MIPEP: variants seen among roughly 807,000 people sequenced by gnomAD.
MIPEP encodes mitochondrial intermediate peptidase.
MIPEP carries 79 observed loss-of-function variants against 90.3 expected under a neutral mutation model. The observed-to-expected ratio is 0.87, with a 90% confidence interval of 0.73 to 1.05. The LOEUF (loss-of-function observed/expected upper bound fraction) is 1.05, where lower values mean the gene tolerates loss of function less well. MIPEP is among the 50% of genes least tolerant of loss of function. The pLI is 0.00. For missense variants in MIPEP, 940 were observed against 905.6 expected, an observed-to-expected ratio of 1.04 and a Z score of -0.49; for synonymous variants, 334 against 315.8, an observed-to-expected ratio of 1.06 and a Z score of -0.61.
chr13:23,789,015 C>T (rs921502345), intron 16 of MIPEP, among the ~76,000 whole-genome samples: 9 of 152,114 alleles, frequency 5.9e-5, no homozygotes, highest in African/African-American at 2.2e-4. Context: ...GTCATGTTGC[C>T]CAGGCTGGTC....
intron 18 of MIPEP, among the ~76,000 whole-genome samples, chr13:23,753,237 A>AT (rs1460772792): frequency 8.5e-4 from 128 of 151,242 alleles, no homozygotes; most frequent in African/African-American, 2.1e-3. Context: ...AAAAAAAAAA[A>AT]AAATAATAAT....
chr13:23,807,390 AG>A (rs1347139771), intron 15 of MIPEP, among the ~76,000 whole-genome samples: 1 of 152,238 alleles, frequency 6.6e-6, no homozygotes. Context: ...TTTGTGATTC[AG>A]AAATGGGATT....
chr13:23,806,305 C>T (rs1953106460), intron 15 of MIPEP, among the ~76,000 whole-genome samples: 1 of 152,164 alleles, frequency 6.6e-6, no homozygotes. Context: ...GAATTTTGAA[C>T]CATACCCATA....
chr13:23,810,355 C>T (rs1953158283), intron 14 of MIPEP, among the ~76,000 whole-genome samples: 1 of 152,144 alleles, frequency 6.6e-6, no homozygotes. Flanking sequence ...ACAGTGTCCG[C>T]CAGTGTTAAA....
intron 7 of MIPEP, among the ~76,000 whole-genome samples, chr13:23,868,372 G>T (rs898316933): frequency 6.6e-6 from 1 of 152,132 alleles, no homozygotes. Flanking sequence ...AGTTGTTTAC[G>T]AAAGAGTAAG....
chr13:23,880,777 C>T (rs920256276), intron 3 of MIPEP, among the ~76,000 whole-genome samples: 4 of 152,202 alleles, frequency 2.6e-5, no homozygotes, highest in African/African-American at 7.2e-5. Context: ...CAAATGTTGG[C>T]GACCTGGGGA....
intron 18 of MIPEP, among the ~76,000 whole-genome samples, chr13:23,756,070 C>A (rs932774906): frequency 6.6e-6 from 1 of 152,168 alleles, no homozygotes; most frequent in Admixed American, 6.5e-5. Flanking sequence ...TAAATCATGG[C>A]AACTAAAAAT....
chr13:23,841,019 A>AG (rs1428035515), intron 11 of MIPEP, among the ~76,000 whole-genome samples: 1 of 152,218 alleles, frequency 6.6e-6, no homozygotes. Flanking sequence ...ACGGACACAC[A>AG]GCTATGAAGG....
chr13:23,860,516 A>C (rs912110176), intron 9 of MIPEP, among the ~76,000 whole-genome samples: 1 of 152,230 alleles, frequency 6.6e-6, no homozygotes, highest in African/African-American at 2.4e-5. Flanking sequence ...ATGAAGCTAG[A>C]GAAGGAGGCA....
intron 4 of MIPEP, 93 bp downstream of exon 4, chr13:23,879,175 C>G (rs1871183654): frequency 1.3e-6 from 1 of 741,072 alleles, no homozygotes; most frequent in Non-Finnish European, 2.4e-6. Context: ...TTCCAGACAA[C>G]AGAGGCTGCA....
intron 9 of MIPEP, 56 bp downstream of exon 9, chr13:23,862,246 T>G (rs1177318858): frequency 9.5e-7 from 1 of 1,055,238 alleles, no homozygotes; most frequent in Non-Finnish European, 1.4e-6. Flanking sequence ...TCAAAAGATA[T>G]TGATTTCAGT....
intron 10 of MIPEP, among the ~76,000 whole-genome samples, chr13:23,843,858 A>T (rs1486471005): frequency 6.6e-6 from 1 of 152,234 alleles, no homozygotes; most frequent in African/African-American, 2.4e-5. Flanking sequence ...AAGACAGAAC[A>T]ATCTAGAATA....
chr13:23,781,689 T>A (rs1294492398), intron 16 of MIPEP, among the ~76,000 whole-genome samples: 2 of 152,184 alleles, frequency 1.3e-5, no homozygotes, highest in Non-Finnish European at 2.9e-5. Flanking sequence ...GACCCATCAG[T>A]GTGCTGTATT....
At chr13:23,832,972 ATTCT>A (rs1276640403) in intron 14 of MIPEP, among the ~76,000 whole-genome samples, 2 of 152,208 alleles carry the variant, frequency 1.3e-5, no homozygotes, top group African/African-American at 2.4e-5. Context: ...ACCACAAGGA[ATTCT>A]TTGACTATGC....
chr13:23,766,102 T>C (rs185657791), intron 16 of MIPEP: 1 of 152,322 alleles, frequency 6.6e-6, no homozygotes, highest in East Asian at 1.9e-4. Context: ...CATATCTGTT[T>C]TGCAGATAAG....
At chr13:23,829,115 C>G (rs1365849765) in intron 14 of MIPEP, among the ~76,000 whole-genome samples, 2 of 152,196 alleles carry the variant, frequency 1.3e-5, no homozygotes, top group Non-Finnish European at 2.9e-5. Flanking sequence ...GTTTGTTACT[C>G]ACACGGAAGA....
chr13:23,852,543 G>C (rs1049354270), intron 10 of MIPEP, among the ~76,000 whole-genome samples: 8 of 152,172 alleles, frequency 5.3e-5, no homozygotes, highest in African/African-American at 1.7e-4. Flanking sequence ...TGTCATGTCA[G>C]AGTACAAGGC....
intron 14 of MIPEP, among the ~76,000 whole-genome samples, chr13:23,813,525 C>T (rs1953198728): frequency 6.6e-6 from 1 of 152,142 alleles, no homozygotes; most frequent in South Asian, 2.1e-4. Flanking sequence ...ACCGACACAA[C>T]CATCCATTTT....
chr13:23,758,199 C>T (rs1952506505), intron 17 of MIPEP, among the ~76,000 whole-genome samples: 1 of 152,130 alleles, frequency 6.6e-6, no homozygotes, highest in South Asian at 2.1e-4. Context: ...CCCTTCTCAG[C>T]CATGGGATGT....
Sources: allele counts gnomAD v4.1 joint callset (sites outside exome capture counted in the v4.1 genomes callset), GRCh38; gene constraint gnomAD v4.1.1; transcripts MANE v1.5; gene names NCBI Gene and HGNC (gene_info 2026-07-23, HGNC 2026-07-21).